Variants in FGD6 observed in about 807,000 individuals in gnomAD.
The protein encoded by FGD6 is FYVE, RhoGEF and PH domain-containing protein 6.
FGD6 carries 90 observed loss-of-function variants against 149.4 expected under a neutral mutation model. The observed-to-expected ratio is 0.60, with a 90% confidence interval of 0.51 to 0.72. The LOEUF (loss-of-function observed/expected upper bound fraction) is 0.72. FGD6 is among the 30% of genes least tolerant of loss of function. FGD6 has a pLI of 0.00. For missense variants in FGD6, 1,437 were observed against 1,684.8 expected, an observed-to-expected ratio of 0.85 and a Z score of 2.57; for synonymous variants, 527 against 584.0, an observed-to-expected ratio of 0.90 and a Z score of 1.41.
intron 2 of FGD6, among the ~76,000 whole-genome samples, chr12:95,186,410 C>CT (rs1444010743): frequency 2.7e-5 from 4 of 149,984 alleles, no homozygotes; most frequent in African/African-American, 9.8e-5. Flanking sequence ...CTTGGCCAGT[C>CT]TGATCTTGAA....
chr12:95,122,943 A>G (rs982662038), intron 8 of FGD6, among the ~76,000 whole-genome samples: 11 of 151,756 alleles, frequency 7.2e-5, no homozygotes, highest in Non-Finnish European at 1.2e-4. Context: ...TTAGCTGGGC[A>G]TGGTGGTGCA....
chr12:95,119,132 G>C (rs1009101579), intron 8 of FGD6, among the ~76,000 whole-genome samples: 3 of 152,066 alleles, frequency 2.0e-5, no homozygotes, highest in Non-Finnish European at 2.9e-5. Flanking sequence ...AATAAAGATA[G>C]AAATGCTTAC....
rs143249676 is a variant in FGD6 at position 95,210,767 on chromosome 12, C to G, written c.517G>C (p.Val173Leu). 3 of 1,614,100 alleles carry G rather than the reference C, an allele frequency of 1.9e-6. No individual in the cohort carries two copies. Among genetic ancestry groups the G allele is most frequent in the Non-Finnish European group, 1.7e-6 (2 of 1,180,020 alleles). Residue 173 changes from valine to leucine, a missense_variant, in exon 2 of 21, where the codon GTT becomes CTT. Around this residue, in one of 2 missense-constraint regions of FGD6, gnomAD observed 1,055 missense variants for 1,146.0 expected, o/e 0.92. Coordinates refer to ENST00000343958, the MANE Select transcript of FGD6 (RefSeq NM_018351.4). ...GEKAKNQGGV[V>L]LKASVLEEEL... is the part of the protein sequence containing the mutation. ...TCTTCTAAAACGCTTGCCTTTAAAA[C>G]AACCCCACCCTGGTTCTTGGCTTTT... is the stretch of plus-strand genomic sequence containing the variant.
At chr12:95,153,912 CGT>C (rs754945627) in intron 3 of FGD6, among the ~76,000 whole-genome samples, 11,744 of 141,242 alleles carry the variant, frequency 0.083, 674 homozygotes, top group African/African-American at 0.17. Context: ...AAATGAAATT[CGT>C]GTGTGTGTGT....
chr12:95,154,900 T>C (rs958191529), intron 3 of FGD6, among the ~76,000 whole-genome samples: 1 of 152,142 alleles, frequency 6.6e-6, no homozygotes, highest in Non-Finnish European at 1.5e-5. Flanking sequence ...CTCACTGTGA[T>C]GGATCACATG....
chr12:95,129,282 TGCATCC>T (rs1329857307), intron 8 of FGD6, among the ~76,000 whole-genome samples: 8 of 88,154 alleles, frequency 9.1e-5, no homozygotes, highest in African/African-American at 2.6e-4. Context: ...CATGCATCTA[TGCATCC>T]ATGCATCCAT....
chr12:95,116,693 T>G (rs12828491), intron 8 of FGD6: 1 of 380,390 alleles, frequency 2.6e-6, no homozygotes, highest in African/African-American at 2.1e-5. Context: ...TTTACCCTCC[T>G]TGCCAATTTT....
intron 14 of FGD6, among the ~76,000 whole-genome samples, chr12:95,098,819 G>A (rs957698974): frequency 4.6e-5 from 7 of 151,304 alleles, no homozygotes; most frequent in African/African-American, 1.2e-4. Flanking sequence ...TGCTAAGTGC[G>A]TGTCCTCCTC....
chr12:95,196,970 T>C (rs1881750193), intron 2 of FGD6, among the ~76,000 whole-genome samples: 1 of 152,010 alleles, frequency 6.6e-6, no homozygotes, highest in Non-Finnish European at 1.5e-5. Context: ...CAAAGAGGCA[T>C]CTCAATCCGT....
At chr12:95,118,356 A>G (rs1879084857) in intron 8 of FGD6, among the ~76,000 whole-genome samples, 1 of 148,940 alleles carries the variant, frequency 6.7e-6, no homozygotes, top group African/African-American at 2.5e-5. Context: ...CTCAAAAAAA[A>G]AAAAAAGAAA....
chr12:95,137,166 C>T (rs1420982382), intron 7 of FGD6, among the ~76,000 whole-genome samples: 1 of 152,102 alleles, frequency 6.6e-6, no homozygotes, highest in Non-Finnish European at 1.5e-5. Context: ...GTAATCCCAA[C>T]TACTCGGGAA....
At chr12:95,198,857 T>C (rs925629106) in intron 2 of FGD6, among the ~76,000 whole-genome samples, 9 of 152,178 alleles carry the variant, frequency 5.9e-5, no homozygotes, top group Non-Finnish European at 1.0e-4. Flanking sequence ...GGGGAGTCAG[T>C]TTGGGGGAAG....
At chr12:95,150,016 ACACACACACACACACACT>A (rs1880254479) in intron 5 of FGD6, among the ~76,000 whole-genome samples, 2 of 147,418 alleles carry the variant, frequency 1.4e-5, no homozygotes, top group African/African-American at 5.0e-5. Context: ...ACACACACAC[ACACACACACACACACACT>A]TTTTTTTTTT....
intron 2 of FGD6, among the ~76,000 whole-genome samples, chr12:95,190,880 G>C (rs1013753578): frequency 1.3e-5 from 2 of 151,966 alleles, no homozygotes; most frequent in Non-Finnish European, 2.9e-5. Context: ...GTAAAATTCT[G>C]TCTCTATATT....
chr12:95,217,182 T>C (rs753045921), intron 1 of FGD6, 43 bp downstream of exon 1: 1 of 1,611,686 alleles, frequency 6.2e-7, no homozygotes. Context: ...CTAGCAGCGC[T>C]CGCCACAAAC....
intron 4 of FGD6, 30 bp downstream of exon 4, chr12:95,152,896 A>T: frequency 6.2e-7 from 1 of 1,613,584 alleles, no homozygotes. Context: ...GGGGGAAAAC[A>T]GTCTTCTGAA....
At chr12:95,083,438 CT>C (rs1375230736) in intron 20 of FGD6, among the ~76,000 whole-genome samples, 1 of 151,758 alleles carries the variant, frequency 6.6e-6, no homozygotes, top group Non-Finnish European at 1.5e-5. Flanking sequence ...AAAAGCAGTA[CT>C]TTTTTTCAGT....
At chr12:95,179,359 T>C (rs1443952142) in intron 2 of FGD6, among the ~76,000 whole-genome samples, 1 of 149,764 alleles carries the variant, frequency 6.7e-6, no homozygotes, top group Non-Finnish European at 1.5e-5. Flanking sequence ...AAAAATTGCA[T>C]GGTGGTATGT....
At chr12:95,086,984 A>G (rs1280043287) in intron 18 of FGD6, among the ~76,000 whole-genome samples, 1 of 151,078 alleles carries the variant, frequency 6.6e-6, no homozygotes, top group Non-Finnish European at 1.5e-5. Flanking sequence ...AGTAGCTGGG[A>G]TTACAGGCGT....
Sources: allele counts gnomAD v4.1 joint callset (sites outside exome capture counted in the v4.1 genomes callset), GRCh38; gene constraint gnomAD v4.1.1; regional missense constraint gnomAD v4.1.1; transcripts MANE v1.5; gene names NCBI Gene and HGNC (gene_info 2026-07-23, HGNC 2026-07-21).